TBC1D5: variants seen among roughly 807,000 people sequenced by gnomAD.
The protein encoded by TBC1D5 is TBC1 domain family member 5, also known as TBC1 domain family, member 5.
A neutral mutation model predicts 100.3 loss-of-function variants in TBC1D5; 75 were observed. The ratio of observed to expected loss-of-function variants is 0.75; its 90% confidence interval spans 0.62 to 0.91. The LOEUF (loss-of-function observed/expected upper bound fraction) is 0.91. TBC1D5 is among the 40% of genes least tolerant of loss of function. The probability of loss-of-function intolerance (pLI) is 0.00; values close to 1 mark genes in which losing one functional copy is unlikely to be tolerated. For missense variants in TBC1D5, 910 were observed against 942.4 expected (o/e 0.97, Z 0.45); for synonymous variants, 323 against 325.6 (o/e 0.99, Z 0.09).
intron 16 of TBC1D5, among the ~76,000 whole-genome samples, chr3:17,243,121 C>T (rs991293995): frequency 1.3e-5 from 2 of 152,152 alleles, no homozygotes; most frequent in Non-Finnish European, 2.9e-5. Flanking sequence ...AGACTTGTTA[C>T]CAATCCATCT....
chr3:17,381,507 G>T (rs1267038750), intron 9 of TBC1D5, among the ~76,000 whole-genome samples: 5 of 152,014 alleles, frequency 3.3e-5, no homozygotes, highest in African/African-American at 9.7e-5. Flanking sequence ...ACAAAATCCT[G>T]GAATCTGTGA....
chr3:17,188,876 A>C (rs1000633023), intron 18 of TBC1D5, among the ~76,000 whole-genome samples: 1 of 152,224 alleles, frequency 6.6e-6, no homozygotes, highest in African/African-American at 2.4e-5. Context: ...GTTTTATGAA[A>C]CCAACCAGCT....
intron 15 of TBC1D5, among the ~76,000 whole-genome samples, chr3:17,272,206 G>C (rs1026961416): frequency 6.6e-6 from 1 of 152,148 alleles, no homozygotes; most frequent in African/African-American, 2.4e-5. Flanking sequence ...ACTACTTAAT[G>C]ATTATTGATA....
At chr3:17,346,101 C>A (rs557124270) in intron 13 of TBC1D5, among the ~76,000 whole-genome samples, 1 of 151,964 alleles carries the variant, frequency 6.6e-6, no homozygotes, top group African/African-American at 2.4e-5. Flanking sequence ...CAGTATAATA[C>A]TATTGCCAAA....
intron 3 of TBC1D5, among the ~76,000 whole-genome samples, chr3:17,442,571 T>C (rs1399122550): frequency 6.6e-6 from 1 of 152,176 alleles, no homozygotes; most frequent in African/African-American, 2.4e-5. Context: ...GATTCTCTAA[T>C]TCTGTGTATG....
intron 2 of TBC1D5, among the ~76,000 whole-genome samples, chr3:17,553,109 G>A (rs541526590): frequency 2.6e-5 from 4 of 152,014 alleles, no homozygotes; most frequent in African/African-American, 9.6e-5. Context: ...TATACTTGGG[G>A]CACCATATTT....
At chr3:17,674,443 C>G (rs2068366650) in intron 1 of TBC1D5, among the ~76,000 whole-genome samples, 1 of 152,232 alleles carries the variant, frequency 6.6e-6, no homozygotes, top group Non-Finnish European at 1.5e-5. Flanking sequence ...AAAAAAATTA[C>G]TACCTTGTTA....
chr3:17,223,194 T>C (rs1438039707), intron 17 of TBC1D5, among the ~76,000 whole-genome samples: 1 of 152,202 alleles, frequency 6.6e-6, no homozygotes, highest in Non-Finnish European at 1.5e-5. Flanking sequence ...TATAAATCAA[T>C]TGCTTTCATG....
intron 3 of TBC1D5, among the ~76,000 whole-genome samples, chr3:17,435,028 T>C (rs555244120): frequency 1.3e-5 from 2 of 152,286 alleles, no homozygotes; most frequent in South Asian, 2.1e-4. Context: ...TCCCAAAAAG[T>C]TCCTCATTTC....
At chr3:17,711,808 CT>C (rs2074763183) in intron 1 of TBC1D5, among the ~76,000 whole-genome samples, 1 of 152,164 alleles carries the variant, frequency 6.6e-6, no homozygotes, top group Non-Finnish European at 1.5e-5. Context: ...ACAAGCAGTG[CT>C]TTTATGAAGT....
At position 17,374,556 on chromosome 3, in the gene TBC1D5, C is replaced by A; in HGVS notation, c.753-16G>T. On this transcript the variant is annotated splice_polypyrimidine_tract_variant and intron_variant, in intron 11 of 21. Coordinates refer to ENST00000253692, the Ensembl canonical transcript of TBC1D5. ...GAACACTGCACTAAAAATAAAATAA[C>A]ACAATGCTATGTAACTTTCATTAAA... 1 of 1,610,404 alleles carries A rather than the reference C, an allele frequency of 6.2e-7. No homozygotes were observed. The highest frequency in any genetic ancestry group is 8.5e-7 in the Non-Finnish European group (1 of 1,178,418).
intron 16 of TBC1D5, among the ~76,000 whole-genome samples, chr3:17,249,505 G>C (rs1430782695): frequency 6.6e-6 from 1 of 152,170 alleles, no homozygotes. Flanking sequence ...TCTGGATCAT[G>C]GGGGTGTACC....
Position 17,236,706 on chromosome 3 carries a change from C to T in TBC1D5, c.1588+1457G>A, listed in dbSNP as rs564785876. Reference sequence around the variant, plus strand: ...TCACCATGTTGGCCAGGATGGTCTCCATCTCTTGACCTCGTGATCTACCTC... The same window carrying T: ...TCACCATGTTGGCCAGGATGGTCTCTATCTCTTGACCTCGTGATCTACCTC... On this transcript the variant is annotated intron_variant, in intron 17 of 21. Transcript: ENST00000253692. Among the ~76,000 whole-genome samples, 6 of 152,104 alleles carry T rather than the reference C, an allele frequency of 3.9e-5. No homozygotes were observed. In the East Asian group the frequency reaches 9.7e-4, roughly 24 times the overall value.
intron 14 of TBC1D5, among the ~76,000 whole-genome samples, chr3:17,300,143 T>C (rs908016746): frequency 6.6e-6 from 1 of 152,212 alleles, no homozygotes; most frequent in African/African-American, 2.4e-5. Flanking sequence ...TAAAGTAGTA[T>C]AAACGGTGTT....
chr3:17,244,624 T>C (rs777649167), intron 16 of TBC1D5, among the ~76,000 whole-genome samples: 3 of 152,180 alleles, frequency 2.0e-5, no homozygotes, highest in Non-Finnish European at 2.9e-5. Flanking sequence ...AGTGGGATAC[T>C]TGGAAAAAAT....
At chr3:17,304,593 A>G (rs551276549) in intron 14 of TBC1D5, among the ~76,000 whole-genome samples, 1 of 152,186 alleles carries the variant, frequency 6.6e-6, no homozygotes, top group Non-Finnish European at 1.5e-5. Context: ...TTTTGTAGAG[A>G]TGGGGTTTCA....
At chr3:17,640,718 A>G (rs2064416306) in intron 1 of TBC1D5, among the ~76,000 whole-genome samples, 1 of 152,080 alleles carries the variant, frequency 6.6e-6, no homozygotes, top group South Asian at 2.1e-4. Flanking sequence ...AAAACATCAC[A>G]AGCCTCTCTT....
intron 2 of TBC1D5, among the ~76,000 whole-genome samples, chr3:17,604,050 AC>A (rs2153600227): frequency 6.6e-6 from 1 of 152,218 alleles, no homozygotes; most frequent in South Asian, 2.1e-4. Context: ...CCTGGACTGA[AC>A]CCTAATTTTG....
chr3:17,219,251 A>C (rs2074007149), intron 17 of TBC1D5, among the ~76,000 whole-genome samples: 3 of 151,726 alleles, frequency 2.0e-5, no homozygotes, highest in Non-Finnish European at 4.4e-5. Flanking sequence ...ATATCTATTT[A>C]ATTCTCTTTT....
Sources: allele counts gnomAD v4.1 joint callset (sites outside exome capture counted in the v4.1 genomes callset), GRCh38; gene constraint gnomAD v4.1.1; transcripts MANE v1.5; gene names NCBI Gene and HGNC (gene_info 2026-07-23, HGNC 2026-07-21).